KLHL1: variants seen among roughly 807,000 people sequenced by gnomAD.
KLHL1 encodes kelch-like protein 1.
A neutral mutation model predicts 77.7 loss-of-function variants in KLHL1; 47 were observed. That is an observed-to-expected ratio of 0.60 (90% CI 0.48 to 0.77). KLHL1 has a LOEUF of 0.77. KLHL1 is among the 30% of genes least tolerant of loss of function. KLHL1 has a pLI of 0.00. For missense variants in KLHL1, 925 were observed against 910.8 expected, an observed-to-expected ratio of 1.02 and a Z score of -0.20; for synonymous variants, 360 against 325.2, an observed-to-expected ratio of 1.11 and a Z score of -1.15.
At chr13:69,870,084 T>A (rs1165990588) in intron 5 of KLHL1, among the ~76,000 whole-genome samples, 4 of 152,170 alleles carry the variant, frequency 2.6e-5, no homozygotes, top group Non-Finnish European at 5.9e-5. Flanking sequence ...TGTGTTGCTA[T>A]CAAAGAATAC....
At chr13:69,847,509 T>C (rs545655107) in intron 5 of KLHL1, among the ~76,000 whole-genome samples, 82 of 151,430 alleles carry the variant, frequency 5.4e-4, no homozygotes, top group African/African-American at 1.9e-3. Flanking sequence ...TGGAGTCCAC[T>C]GCAAAATGGA....
chr13:69,937,053 G>A (rs1234992755), intron 4 of KLHL1, among the ~76,000 whole-genome samples: 1 of 152,128 alleles, frequency 6.6e-6, no homozygotes, highest in Admixed American at 6.6e-5. Context: ...ACCATCTAGA[G>A]AAAGGATTGC....
intron 1 of KLHL1, among the ~76,000 whole-genome samples, chr13:70,076,683 A>C (rs534020602): frequency 2.0e-5 from 3 of 152,084 alleles, no homozygotes; most frequent in African/African-American, 7.2e-5. Context: ...TCTCTGTAAA[A>C]GAATCAGCAG....
chr13:69,896,553 T>G (rs561700857), intron 4 of KLHL1, among the ~76,000 whole-genome samples: 1 of 152,158 alleles, frequency 6.6e-6, no homozygotes, highest in Non-Finnish European at 1.5e-5. Context: ...TGACCCTCAG[T>G]CATTCAATAA....
chr13:69,774,452 G>C (rs530181530), intron 7 of KLHL1, among the ~76,000 whole-genome samples: 2 of 151,630 alleles, frequency 1.3e-5, no homozygotes, highest in Non-Finnish European at 2.9e-5. Context: ...AGTACAATTT[G>C]GCAAAATAAT....
chr13:69,722,612 C>G (rs988710902), intron 8 of KLHL1, among the ~76,000 whole-genome samples: 2 of 151,918 alleles, frequency 1.3e-5, no homozygotes, highest in African/African-American at 4.8e-5. Flanking sequence ...TATCGCCTCA[C>G]TCCAGTTGCA....
intron 3 of KLHL1, among the ~76,000 whole-genome samples, chr13:69,959,215 A>G (rs1883989443): frequency 6.6e-6 from 1 of 152,068 alleles, no homozygotes; most frequent in South Asian, 2.1e-4. Flanking sequence ...AACTTTGTAC[A>G]GCAGGATGCT....
Position 70,061,550 on chromosome 13 carries a change from T to C in KLHL1, c.497+45653A>G, listed in dbSNP as rs568500263. The stretch of plus-strand genomic sequence containing the variant: ...AGGACTTGGATCCTCAAGCTGTGCC[T>C]GAGTTAGTAGCCTTAAGTCAGATTT... On this transcript the variant is annotated intron_variant, in intron 1 of 10. Transcript: ENST00000377844. 7.2e-5 allele frequency among the ~76,000 whole-genome samples: 11 copies of C among 152,286 alleles called. No homozygotes were observed. In the South Asian group the frequency reaches 1.0e-3, roughly 14 times the overall value.
At chr13:69,919,617 G>A (rs1019299250) in intron 4 of KLHL1, among the ~76,000 whole-genome samples, 2 of 151,910 alleles carry the variant, frequency 1.3e-5, no homozygotes, top group Non-Finnish European at 2.9e-5. Flanking sequence ...CTTGTCCAGA[G>A]GTCTAATAGG....
chr13:69,776,954 T>C (rs1041441483), intron 7 of KLHL1, among the ~76,000 whole-genome samples: 3 of 152,154 alleles, frequency 2.0e-5, no homozygotes, highest in Non-Finnish European at 4.4e-5. Flanking sequence ...CCTTTTGATA[T>C]AGTTTGGCTA....
At chr13:69,900,931 T>G (rs1881831929) in intron 4 of KLHL1, among the ~76,000 whole-genome samples, 1 of 152,176 alleles carries the variant, frequency 6.6e-6, no homozygotes, top group African/African-American at 2.4e-5. Flanking sequence ...CCCCCTCAAA[T>G]TTGTAGTCCT....
chr13:70,107,609 C>T lies in KLHL1; in HGVS notation c.91G>A (p.Gly31Ser), dbSNP rs145694020. ...LFSHPSPSTG[G>S]PAGGGCLQQD... is the part of the protein sequence containing the mutation. Reference sequence around the variant, plus strand: ...TGCAGGCAGCCTCCCCCCGCCGGGCCGCCGGTGGAAGGAGACGGGTGGCTG... The same window carrying T: ...TGCAGGCAGCCTCCCCCCGCCGGGCTGCCGGTGGAAGGAGACGGGTGGCTG... The change falls in exon 1 of 11, where the codon GGC becomes AGC. Residue 31 changes from glycine to serine, a missense_variant. By Grantham distance (56) the Gly-to-Ser change is moderately conservative. Transcript: ENST00000377844. 4 of 1,592,118 alleles carry T rather than the reference C, an allele frequency of 2.5e-6. No individual in the cohort carries two copies. Among genetic ancestry groups the T allele is most frequent in the Non-Finnish European group, 3.4e-6 (4 of 1,169,808 alleles).
chr13:69,911,242 A>C (rs1446641447), intron 4 of KLHL1, among the ~76,000 whole-genome samples: 1 of 152,106 alleles, frequency 6.6e-6, no homozygotes, highest in East Asian at 1.9e-4. Context: ...TTTAAACTGT[A>C]CTATTTGAAT....
intron 2 of KLHL1, among the ~76,000 whole-genome samples, chr13:69,963,277 T>G (rs553361839): frequency 6.6e-6 from 1 of 152,286 alleles, no homozygotes; most frequent in Non-Finnish European, 1.5e-5. Context: ...CATTTGGGTT[T>G]AATTGTACCA....
At chr13:69,791,104 T>TTAATC (rs1876853400) in intron 7 of KLHL1, among the ~76,000 whole-genome samples, 1 of 151,872 alleles carries the variant, frequency 6.6e-6, no homozygotes, top group African/African-American at 2.4e-5. Context: ...AAGAAATATA[T>TTAATC]TAATCTATTA....
At position 69,812,412 on chromosome 13, in the gene KLHL1, A is replaced by G. The variant is rs540777683; in HGVS notation, c.1415-15450T>C. Among the ~76,000 whole-genome samples the G allele has an allele frequency of 4.8e-3, 725 of 152,286 alleles. 10 individuals carry two copies. The Middle Eastern group carries it at 0.061, about 13-fold the overall frequency. ...GGAATACCATTCAGAACATAGGCAT[A>G]GGCAAGGACTTCATGTCTAAAACAC... On this transcript the variant is annotated intron_variant, in intron 6 of 10. Coordinates refer to ENST00000377844, the MANE Select transcript of KLHL1 (RefSeq NM_020866.3).
At chr13:69,928,966 T>G (rs1882905877) in intron 4 of KLHL1, among the ~76,000 whole-genome samples, 1 of 152,134 alleles carries the variant, frequency 6.6e-6, no homozygotes, top group Admixed American at 6.6e-5. Flanking sequence ...AGAAAAATAT[T>G]TATTCATTCT....
rs555687913 is a variant in KLHL1 at position 69,713,096 on chromosome 13, C to G, written c.2016-5300G>C. Among the ~76,000 whole-genome samples, 14 of 152,204 alleles carry G rather than the reference C, an allele frequency of 9.2e-5. No individual in the cohort carries two copies. The East Asian group carries it at 2.7e-3, about 29-fold the overall frequency. ...CCACCTGACTTGGCTTCCCAAAGAG[C>G]TGGAATTAAAGGCATAACCCATCAT... On this transcript the variant is annotated intron_variant, in intron 9 of 10. Coordinates refer to ENST00000377844, the MANE Select transcript of KLHL1 (RefSeq NM_020866.3).
At chr13:69,924,694 C>T (rs1882756959) in intron 4 of KLHL1, among the ~76,000 whole-genome samples, 2 of 152,324 alleles carry the variant, frequency 1.3e-5, no homozygotes, top group Admixed American at 6.5e-5. Context: ...GAAACACGCC[C>T]CTTGCTCATC....
Sources: gnomAD v4.1 joint callset for allele counts (sites outside exome capture counted in the v4.1 genomes callset) on GRCh38, gnomAD v4.1.1 for gene constraint, MANE v1.5 for transcripts, NCBI Gene and HGNC (gene_info 2026-07-23, HGNC 2026-07-21) for gene names.